COL20A1: variants seen among roughly 807,000 people sequenced by gnomAD.
COL20A1 encodes the protein collagen type XX alpha 1 chain, also known as collagen alpha-1(XX) chain.
In COL20A1, 164 loss-of-function variants were observed where a neutral mutation model predicts 152.9. That is an observed-to-expected ratio of 1.07 (90% CI 0.94 to 1.22). COL20A1 has a LOEUF of 1.22. Among genes scored for constraint, COL20A1 ranks in the 50% most tolerant of loss-of-function variants. The pLI is 0.00. For synonymous variants in COL20A1, 864 were observed against 756.0 expected (o/e 1.14, Z -2.34); for missense variants, 1,873 against 1,744.8 (o/e 1.07, Z -1.31).
chr20:63,314,314 C>T (rs150225395), intron 19 of COL20A1, 113 bp downstream of exon 19: 1 of 906,820 alleles, frequency 1.1e-6, no homozygotes, highest in South Asian at 1.7e-5. Context: ...CAACCCCAGA[C>T]CTAGTTGACC....
chr20:63,298,631 A>C (rs983060050), intron 3 of COL20A1, among the ~76,000 whole-genome samples: 1 of 152,086 alleles, frequency 6.6e-6, no homozygotes, highest in Non-Finnish European at 1.5e-5. Flanking sequence ...ACGAGTCTCA[A>C]TGCGTCAGGG....
Position 63,311,932 on chromosome 20 carries a change from G to T in COL20A1, c.1680G>T (p.Pro560=). Residue 560 remains proline, a synonymous_variant, in exon 14 of 36, where the codon CCG becomes CCT. Transcript: ENST00000358894. The surrounding 1 kb of genome is among the most constrained non-coding windows in gnomAD (Gnocchi z 4.4). ...GCTTTGCAGCCACCCTGGCCCCCCC[G>T]AGACACCTGGGCTTCTCAGACGTGA... ...IRARTPTLAP[P]RHLGFSDVSH... The T allele has an allele frequency of 1.3e-6, 2 of 1,567,336 alleles. No individual in the cohort carries two copies.
At chr20:63,314,966 G>C (rs1367324708) in intron 19 of COL20A1, among the ~76,000 whole-genome samples, 1 of 150,556 alleles carries the variant, frequency 6.6e-6, no homozygotes, top group Non-Finnish European at 1.5e-5. Context: ...CCTGGCCCCA[G>C]GACACGTGTG....
At chr20:63,318,463 G>A (rs1221916889) in intron 21 of COL20A1, among the ~76,000 whole-genome samples, 3 of 152,166 alleles carry the variant, frequency 2.0e-5, no homozygotes, top group Non-Finnish European at 4.4e-5. Flanking sequence ...TGGAACATTA[G>A]GGGACCAAGA....
chr20:63,325,573 G>T lies in COL20A1; in HGVS notation c.3348+79G>T, dbSNP rs1601440688. Reference sequence around the variant, plus strand: ...CAGGGATGGAGATGGGGAGTGCCTGGGGGGCACAGGGGTTGGGGGTGAGGC... The same window carrying T: ...CAGGGATGGAGATGGGGAGTGCCTGTGGGGCACAGGGGTTGGGGGTGAGGC... On this transcript the variant is annotated intron_variant, in intron 28 of 35. Coordinates refer to ENST00000358894, the MANE Select transcript of COL20A1 (RefSeq NM_020882.4). The T allele has an allele frequency of 1.9e-6, 3 of 1,544,438 alleles. No homozygotes were observed. The East Asian group carries it at 6.8e-5, about 35-fold the overall frequency.
intron 3 of COL20A1, among the ~76,000 whole-genome samples, chr20:63,304,705 GC>G (rs1379350538): frequency 1.3e-5 from 2 of 150,804 alleles, no homozygotes; most frequent in East Asian, 4.0e-4. Context: ...CCCTGCAGGT[GC>G]GCAGGTGTGG....
chr20:63,308,629 C>T lies in COL20A1; in HGVS notation c.863C>T (p.Thr288Met), dbSNP rs772792278. 1.5e-5 allele frequency: 24 copies of T among 1,606,532 alleles called. No individual in the cohort carries two copies. The highest frequency in any genetic ancestry group is 5.3e-5 in the African/African-American group (4 of 74,812). The change falls in exon 8 of 36, where the codon ACG (threonine) becomes ATG (methionine). Residue 288 changes from threonine (T) to methionine (M), a missense_variant. Transcript: ENST00000358894. ...PEAAKVVILV[T>M]DGKSQDDVHT... ...GCAGCCAAGGTGGTGATTCTGGTGA[C>T]GGACGGCAAGTCCCAGGACGATGTG...
At chr20:63,294,706 G>A (rs370560708) in intron 1 of COL20A1, among the ~76,000 whole-genome samples, 69 of 152,314 alleles carry the variant, frequency 4.5e-4, no homozygotes, top group African/African-American at 1.6e-3. Context: ...TGGAGAGCTC[G>A]CCCCTTGCCT....
Position 63,307,640 on chromosome 20 carries a change from T to C in COL20A1, c.647T>C (p.Val216Ala). ...IAPFEIGPDK[V>A]QVGLTQYSGD... ...CCCTTTGAAATCGGGCCGGATAAGG[T>C]CCAAGTAGGTGGGTGCTGGCCCGGC... The change falls in exon 6 of 36, where the codon GTC becomes GCC. Residue 216 changes from valine to alanine, a missense_variant. Coordinates refer to ENST00000358894, the MANE Select transcript of COL20A1 (RefSeq NM_020882.4). 4 of 1,612,138 alleles carry C rather than the reference T, an allele frequency of 2.5e-6. No individual in the cohort carries two copies. The highest frequency in any genetic ancestry group is 3.4e-6 in the Non-Finnish European group (4 of 1,179,488).
chr20:63,307,840 C>T, intron 6 of COL20A1, 131 bp from the exon 7 acceptor site: 1 of 1,261,276 alleles, frequency 7.9e-7, no homozygotes, highest in Non-Finnish European at 1.1e-6. Flanking sequence ...GCGTCCTCTC[C>T]CTGGGGACTG....
In COL20A1 at chr20:63,314,061, C is replaced by T. The variant is rs750271267; in HGVS notation, c.2359-11C>T. 3.7e-6 allele frequency: 6 copies of T among 1,612,552 alleles called. No individual in the cohort carries two copies. In the East Asian group the frequency reaches 1.1e-4, roughly 30 times the overall value. ...CAGGAAGTGGGGACCAGGCACCCTC[C>T]CTTCTCCTAGGTCTCTGTGCCAGGA... is the stretch of plus-strand genomic sequence containing the variant. On this transcript the variant is annotated splice_polypyrimidine_tract_variant and intron_variant, in intron 18 of 35. Coordinates refer to ENST00000358894, the MANE Select transcript of COL20A1 (RefSeq NM_020882.4).
At position 63,322,065 on chromosome 20, in the gene COL20A1, C is replaced by T. The variant is rs943544549; in HGVS notation, c.3248C>T (p.Pro1083Leu). 3 of 1,508,146 alleles carry T rather than the reference C, an allele frequency of 2.0e-6. No individual in the cohort carries two copies. Among genetic ancestry groups the T allele is most frequent in the African/African-American group, 2.9e-5 (2 of 69,510 alleles). 93.4% of individuals were successfully genotyped at this position (1,508,146 alleles called of 1,614,324 possible). Residue 1083 changes from proline to leucine, a missense_variant, in exon 27 of 36, where the codon CCT becomes CTT. Physicochemically the swap from Pro to Leu is moderately conservative, Grantham distance 98. Coordinates refer to ENST00000358894, the MANE Select transcript of COL20A1 (RefSeq NM_020882.4). ...PPGPQGPPGL[P>L]GRNGTPGEQG... ...CTGTTTGTGCCTCTGCAGGGCCTCC[C>T]TGGGAGGAATGGCACCCCAGGAGAG...
chr20:63,314,869 G>A (rs1446868418), intron 19 of COL20A1, among the ~76,000 whole-genome samples: 6 of 130,758 alleles, frequency 4.6e-5, no homozygotes, highest in Non-Finnish European at 6.7e-5. Context: ...CCCAGGACAC[G>A]CGTGCCCCCA....
intron 3 of COL20A1, among the ~76,000 whole-genome samples, chr20:63,299,678 T>G (rs2067841647): frequency 6.6e-6 from 1 of 152,198 alleles, no homozygotes; most frequent in Non-Finnish European, 1.5e-5. Context: ...GTGCTGTTCC[T>G]ACGTAAGGCT....
At chr20:63,294,778 C>T (rs370791937) in intron 1 of COL20A1, among the ~76,000 whole-genome samples, 17 of 152,194 alleles carry the variant, frequency 1.1e-4, no homozygotes, top group Non-Finnish European at 2.1e-4. Flanking sequence ...CCCAGCCACC[C>T]CTGCACTGGG....
rs1170693582 is a variant in COL20A1 at position 63,332,597 on chromosome 20, C to G, written c.*1881C>G. ...GGACTGGGCACTGGGTGGCTGAGACCACATTGGCAGCCAGGAGGAGGCAGC... is the reference window on the plus strand; with the variant it reads ...GGACTGGGCACTGGGTGGCTGAGACGACATTGGCAGCCAGGAGGAGGCAGC... On this transcript the variant is annotated 3_prime_UTR_variant, in exon 36 of 36. Coordinates refer to ENST00000358894, the MANE Select transcript of COL20A1 (RefSeq NM_020882.4). The G allele has an allele frequency of 6.6e-6, 1 of 152,370 alleles. No individual in the cohort carries two copies. The highest frequency in any genetic ancestry group is 2.1e-4 in the South Asian group (1 of 4,832). 9.4% of individuals were successfully genotyped at this position (152,370 alleles called of 1,614,324 possible).
intron 27 of COL20A1, chr20:63,325,066 C>A (rs1275601192): frequency 2.7e-6 from 1 of 370,848 alleles, no homozygotes; most frequent in Non-Finnish European, 5.2e-6. Context: ...CTCTGCAGAC[C>A]CCTGCTGTGG....
chr20:63,304,190 T>C (rs62650589), intron 3 of COL20A1, among the ~76,000 whole-genome samples: 1,230 of 29,138 alleles, frequency 0.042, no homozygotes, highest in South Asian at 0.048. Context: ...CAGGTGTGCA[T>C]GTGTGGGTTC....
In COL20A1 at chr20:63,313,711, C is replaced by CGTTG. The variant is rs2068046583; in HGVS notation, c.2210-32_2210-31insGTTG. 6.5e-7 allele frequency: 1 copy of CGTTG among 1,541,208 alleles called. No homozygotes were observed. Among genetic ancestry groups the CGTTG allele is most frequent in the Non-Finnish European group, 8.7e-7 (1 of 1,147,782 alleles). The stretch of plus-strand genomic sequence containing the variant: ...CCGGGTGCCTCCTTTCTGGAGGGGC[C>CGTTG]TGAGCCCCACACAACCCATGCTCTC... On this transcript the variant is annotated intron_variant, in intron 17 of 35. Coordinates refer to ENST00000358894, the MANE Select transcript of COL20A1 (RefSeq NM_020882.4). This position sits in a 1 kb window ranked among gnomAD's most constrained non-coding sequence, Gnocchi z 5.9.
Sources: allele counts gnomAD v4.1 joint callset (sites outside exome capture counted in the v4.1 genomes callset), GRCh38; gene constraint gnomAD v4.1.1; non-coding constraint Gnocchi (gnomAD v3.1); transcripts MANE v1.5; gene names NCBI Gene and HGNC (gene_info 2026-07-23, HGNC 2026-07-21).